The following SMARCD3 variants were observed in gnomAD, a reference collection of about 807,000 sequenced individuals.
SMARCD3 encodes the protein SWI/SNF related BAF chromatin remodeling complex subunit D3.
Under a neutral mutation model 58.0 loss-of-function variants are expected in SMARCD3, and 14 were observed. That is an observed-to-expected ratio of 0.24 (90% CI 0.16 to 0.38). The LOEUF (loss-of-function observed/expected upper bound fraction) is 0.38, where lower values mean the gene tolerates loss of function less well. SMARCD3 is among the 10% of genes least tolerant of loss of function. The probability of loss-of-function intolerance (pLI) is 1.00; values close to 1 mark genes in which losing one functional copy is unlikely to be tolerated. For synonymous variants in SMARCD3, 253 were observed against 253.8 expected (o/e 1.00, Z 0.03); for missense variants, 408 against 636.9 (o/e 0.64, Z 3.87).
chr7:151,250,499 C>A (rs1290558357), upstream of SMARCD3, among the ~76,000 whole-genome samples: 1 of 151,724 alleles, frequency 6.6e-6, no homozygotes, highest in Non-Finnish European at 1.5e-5. Flanking sequence ...TAGCCCCTGC[C>A]CCCGATTCTT....
intron 2 of SMARCD3, among the ~76,000 whole-genome samples, chr7:151,270,396 C>G (rs986766998): frequency 2.0e-5 from 3 of 152,206 alleles, no homozygotes; most frequent in African/African-American, 4.8e-5. Context: ...GAGCCACCCC[C>G]TCTCTGTCCA....
At position 151,245,516 on chromosome 7, in the gene SMARCD3, C is replaced by G; in HGVS notation, c.234G>C (p.Gln78His). The change falls in exon 2 of 13, where the codon CAG becomes CAC. Residue 78 changes from glutamine (Q) to histidine (H), a missense_variant. Physicochemically the swap from Gln to His is conservative, Grantham distance 24. Coordinates refer to ENST00000262188, the MANE Select transcript of SMARCD3 (RefSeq NM_001003801.2). This position sits in a 1 kb window ranked among gnomAD's most constrained non-coding sequence, Gnocchi z 6.2. Reference sequence around the variant, plus strand: ...GCTGGCCCTGGCTCTGTGCCTGGCTCTGCCCGGGCGGGGGCGCTGCTCGCT... The same window carrying G: ...GCTGGCCCTGGCTCTGTGCCTGGCTGTGCCCGGGCGGGGGCGCTGCTCGCT... ...ARKRAAPPPG[Q>H]SQAQSQGQPV... 8 of 1,223,890 alleles carry G rather than the reference C, an allele frequency of 6.5e-6. No homozygotes were observed. Among genetic ancestry groups the G allele is most frequent in the Non-Finnish European group, 8.1e-6 (8 of 982,200 alleles). 75.8% of individuals were successfully genotyped at this position (1,223,890 alleles called of 1,614,324 possible).
At chr7:151,255,599 A>G (rs1461477604) in intron 2 of SMARCD3, among the ~76,000 whole-genome samples, 1 of 151,976 alleles carries the variant, frequency 6.6e-6, no homozygotes, top group Non-Finnish European at 1.5e-5. Flanking sequence ...TCCCTCAGCC[A>G]TGCACTCCCA....
In SMARCD3 at chr7:151,246,505, G is replaced by A. The variant is rs1292865179; in HGVS notation, c.79-834C>T. On this transcript the variant is annotated intron_variant, in intron 1 of 12. Coordinates refer to ENST00000262188, the MANE Select transcript of SMARCD3 (RefSeq NM_001003801.2). The surrounding 1 kb of genome is among the most constrained non-coding windows in gnomAD (Gnocchi z 4.4). ...TTGGGAGGAGGGGAACTGCGTTAGA[G>A]GTGGGCTGCCCAGGGGGGCCTGGGG... Among the ~76,000 whole-genome samples the A allele has an allele frequency of 6.6e-6, 1 of 152,136 alleles. No homozygotes were observed. The highest frequency in any genetic ancestry group is 6.5e-5 in the Admixed American group (1 of 15,280).
chr7:151,260,564 C>T lies in SMARCD3; in HGVS notation c.39+14550G>A, dbSNP rs568017533. 2.0e-5 allele frequency among the ~76,000 whole-genome samples: 3 copies of T among 152,204 alleles called. No homozygotes were observed. The East Asian group carries it at 5.8e-4, about 29-fold the overall frequency. On this transcript the variant is annotated intron_variant, in intron 2 of 13. Coordinates refer to the SMARCD3 transcript ENST00000356800. Reference sequence around the variant, plus strand: ...GCTCCTCTGGCTTCTGTGGTCCTCACAACCAAGTGTAACTCCTGTGCGACG... The same window carrying T: ...GCTCCTCTGGCTTCTGTGGTCCTCATAACCAAGTGTAACTCCTGTGCGACG...
At chr7:151,244,234 G>C (rs1803147144) in intron 2 of SMARCD3, among the ~76,000 whole-genome samples, 1 of 152,104 alleles carries the variant, frequency 6.6e-6, no homozygotes, top group African/African-American at 2.4e-5. Flanking sequence ...AGAGAACGCT[G>C]ATGGGCTGGG....
chr7:151,241,357 AAG>A lies in SMARCD3; in HGVS notation c.939+133_939+134del. ...GAATCCTGGTCGGTCTCTTGGCTCC[AAG>A]ACCATGACTGTGTACTGCTTCTGCT... On this transcript the variant is annotated intron_variant, in intron 8 of 12. Transcript: ENST00000262188. This position sits in a 1 kb window ranked among gnomAD's most constrained non-coding sequence, Gnocchi z 5.3. The A allele has an allele frequency of 1.2e-6, 1 of 807,786 alleles. No individual in the cohort carries two copies. The highest frequency in any genetic ancestry group is 2.1e-6 in the Non-Finnish European group (1 of 477,894). The allele number at this position is 807,786 out of a possible 1,614,324, so 50.0% of individuals were successfully genotyped here. A position where few individuals can be genotyped will look rare whatever the true frequency, so the allele number is the denominator to read the frequency against.
intron 8 of SMARCD3, chr7:151,240,828 A>G (rs1802950986): frequency 2.6e-6 from 1 of 383,952 alleles, no homozygotes; most frequent in South Asian, 2.8e-5. Flanking sequence ...CTCAGGGCTC[A>G]GTGTCTTCAT....
intron 2 of SMARCD3, among the ~76,000 whole-genome samples, chr7:151,262,605 C>G (rs1186801794): frequency 1.3e-5 from 2 of 152,220 alleles, no homozygotes; most frequent in Non-Finnish European, 2.9e-5. Context: ...GCCCTTGAGA[C>G]CTGGTGGTCA....
rs1802826599 is a variant in SMARCD3, at chr7:151,239,283, C to A, written c.1398+113G>T. The A allele has an allele frequency of 7.6e-7, 1 of 1,318,098 alleles. No individual in the cohort carries two copies. The highest frequency in any genetic ancestry group is 1.1e-6 in the Non-Finnish European group (1 of 912,808). 81.7% of individuals were successfully genotyped at this position (1,318,098 alleles called of 1,614,324 possible). On this transcript the variant is annotated intron_variant, in intron 12 of 12. Transcript: ENST00000262188. The surrounding 1 kb of genome is among the most constrained non-coding windows in gnomAD (Gnocchi z 7.0). Reference sequence around the variant, plus strand: ...CAGGGAGGGCCATTGCATGGTGAGGCAGCGTGGTGAAGCTTTACTGTGGGG... The same window carrying A: ...CAGGGAGGGCCATTGCATGGTGAGGAAGCGTGGTGAAGCTTTACTGTGGGG...
intron 2 of SMARCD3, among the ~76,000 whole-genome samples, chr7:151,257,805 A>C (rs1803752167): frequency 6.6e-6 from 1 of 150,966 alleles, no homozygotes. Context: ...TCACCTCTCC[A>C]CGCTCACTTC....
chr7:151,272,740 C>CA (rs1795218546), intron 2 of SMARCD3, among the ~76,000 whole-genome samples: 2 of 152,102 alleles, frequency 1.3e-5, no homozygotes, highest in African/African-American at 4.8e-5. Context: ...TATGAGTCAC[C>CA]AAGGATTCCC....
chr7:151,242,168 T>C lies in SMARCD3; in HGVS notation c.644A>G (p.Asp215Gly), dbSNP rs1803026904. The C allele has an allele frequency of 6.2e-7, 1 of 1,613,908 alleles. No homozygotes were observed. Among genetic ancestry groups the C allele is most frequent in the South Asian group, 1.1e-5 (1 of 91,084 alleles). ...FKSLVIELDK[D>G]LYGPDNHLVE... ...GAGGTGGTTGTCAGGGCCATAAAGATCTTTGTCCAGCTCGATGACCAAACT... is the reference window on the plus strand; with the variant it reads ...GAGGTGGTTGTCAGGGCCATAAAGACCTTTGTCCAGCTCGATGACCAAACT... The change falls in exon 6 of 13, where the codon GAT becomes GGT. Residue 215 changes from aspartate (D) to glycine (G), a missense_variant. Asp to Gly is a moderately conservative substitution (Grantham distance 94, BLOSUM62 -1). Coordinates refer to ENST00000262188, the MANE Select transcript of SMARCD3 (RefSeq NM_001003801.2). This position sits in a 1 kb window ranked among gnomAD's most constrained non-coding sequence, Gnocchi z 4.7.
chr7:151,257,458 C>T (rs1309005043), intron 2 of SMARCD3, among the ~76,000 whole-genome samples: 1 of 152,208 alleles, frequency 6.6e-6, no homozygotes, highest in Non-Finnish European at 1.5e-5. Context: ...TCCTGAGTAG[C>T]TGGGACTACA....
intron 2 of SMARCD3, among the ~76,000 whole-genome samples, chr7:151,263,354 T>G (rs113584811): frequency 0.2 from 30,845 of 151,438 alleles, 3,538 homozygotes; most frequent in Non-Finnish European, 0.27. Flanking sequence ...GCTGGGGAGG[T>G]TGGGGAGAGA....
Position 151,238,823 on chromosome 7 carries a change from C to CA in SMARCD3, c.*279_*280insT. The CA allele has an allele frequency of 6.5e-7, 1 of 1,529,136 alleles. No homozygotes were observed. Among genetic ancestry groups the CA allele is most frequent in the Non-Finnish European group, 8.8e-7 (1 of 1,139,172 alleles). The allele number at this position is 1,529,136 out of a possible 1,614,324, so 94.7% of individuals were successfully genotyped here. ...GTTATTAAACATGTCTTCTGCCAAA[C>CA]TGTTTTTAGGTCTAGGGAAAATTGA... is the stretch of plus-strand genomic sequence containing the variant. On this transcript the variant is annotated 3_prime_UTR_variant, in exon 13 of 13. Transcript: ENST00000262188.
At position 151,248,681 on chromosome 7, in the gene SMARCD3, T is replaced by C. The variant is rs1331566785; in HGVS notation, c.-119A>G. 16 of 1,434,838 alleles carry C rather than the reference T, an allele frequency of 1.1e-5. No individual in the cohort carries two copies. The highest frequency in any genetic ancestry group is 1.5e-5 in the Non-Finnish European group (16 of 1,081,758). 88.9% of individuals were successfully genotyped at this position (1,434,838 alleles called of 1,614,324 possible). ...GTCCTGCTGGGCTCTCTCACACTTC[T>C]ACTCGAGCGGAGTGGGGAGGGGGCC... is the stretch of plus-strand genomic sequence containing the variant. On this transcript the variant is annotated 5_prime_UTR_variant, in exon 1 of 13. Coordinates refer to ENST00000262188, the MANE Select transcript of SMARCD3 (RefSeq NM_001003801.2). This position sits in a 1 kb window ranked among gnomAD's most constrained non-coding sequence, Gnocchi z 6.1.
chr7:151,259,601 G>GTTTTTTTTTT (rs112223142), intron 2 of SMARCD3, among the ~76,000 whole-genome samples: 1,008 of 70,440 alleles, frequency 0.014, 128 homozygotes, highest in African/African-American at 0.028. Context: ...CAACCTGAGA[G>GTTTTTTTTTT]TTTTTTTTTT....
intron 2 of SMARCD3, among the ~76,000 whole-genome samples, chr7:151,255,952 C>T (rs1314827503): frequency 6.6e-6 from 1 of 151,788 alleles, no homozygotes; most frequent in African/African-American, 2.4e-5. Flanking sequence ...GCGATCTCGG[C>T]TCACTGCAAC....
Sources: gnomAD v4.1 joint callset for allele counts (sites outside exome capture counted in the v4.1 genomes callset) on GRCh38, gnomAD v4.1.1 for gene constraint, Gnocchi (gnomAD v3.1) non-coding constraint, MANE v1.5 for transcripts, NCBI Gene and HGNC (gene_info 2026-07-23, HGNC 2026-07-21) for gene names.